The following PIGL variants were observed in gnomAD, a reference collection of about 807,000 sequenced individuals.
PIGL encodes phosphatidylinositol glycan anchor biosynthesis class L, also known as N-acetylglucosaminyl-phosphatidylinositol de-N-acetylase.
In PIGL, 22 loss-of-function variants were observed where a neutral mutation model predicts 31.1. The ratio of observed to expected loss-of-function variants is 0.71; its 90% CI spans 0.51 to 1.01. The LOEUF is 1.01. PIGL is among the 50% of genes least tolerant of loss of function. The probability of loss-of-function intolerance (pLI) is 0.00; values close to 1 mark genes in which losing one functional copy is unlikely to be tolerated. For missense variants in PIGL, 302 were observed against 315.9 expected, an observed-to-expected ratio of 0.96 and a Z score of 0.33; for synonymous variants, 131 against 117.4, an observed-to-expected ratio of 1.12 and a Z score of -0.75.
At chr17:16,300,507 C>A (rs2142836518) in intron 3 of PIGL, among the ~76,000 whole-genome samples, 1 of 152,140 alleles carries the variant, frequency 6.6e-6, no homozygotes, top group Admixed American at 6.6e-5. Flanking sequence ...ATGGTGAAAC[C>A]CCATCTCTAT....
intron 2 of PIGL, among the ~76,000 whole-genome samples, chr17:16,243,346 G>C (rs1189875570): frequency 6.6e-6 from 1 of 152,164 alleles, no homozygotes; most frequent in African/African-American, 2.4e-5. Context: ...CACCGTTTCT[G>C]GCCTGCTGAT....
intron 2 of PIGL, among the ~76,000 whole-genome samples, chr17:16,245,739 C>CAT (rs903765577): frequency 6.6e-6 from 1 of 150,638 alleles, no homozygotes. Context: ...TACACACACA[C>CAT]ATATATATAC....
At chr17:16,287,160 A>T (rs540311940) in intron 2 of PIGL, among the ~76,000 whole-genome samples, 1 of 152,032 alleles carries the variant, frequency 6.6e-6, no homozygotes, top group Non-Finnish European at 1.5e-5. Flanking sequence ...GAGAAGCCGC[A>T]GGCTGGTTCC....
In PIGL at chr17:16,316,686, T is replaced by C. The variant is rs145303331; in HGVS notation, c.500T>C (p.Leu167Pro). The change falls in exon 5 of 7, where the codon CTG becomes CCG. Residue 167 changes from leucine to proline, a missense_variant. Leu to Pro is a moderately conservative substitution (Grantham distance 98, BLOSUM62 -3). Transcript: ENST00000225609. ...TTGTCCTATCCCTCCTCCAGGGCCC[T>C]GCACTCAGAAGGGAAGTTACCTAAA... ...HIALYAAVRA[L>P]HSEGKLPKGC... is the part of the protein sequence containing the mutation. 7.4e-4 allele frequency: 1,186 copies of C among 1,605,302 alleles called. No individual in the cohort carries two copies. The highest frequency in any genetic ancestry group is 9.1e-4 in the Non-Finnish European group (1,062 of 1,172,770).
chr17:16,245,608 T>C (rs920824733), intron 2 of PIGL, among the ~76,000 whole-genome samples: 1 of 150,156 alleles, frequency 6.7e-6, no homozygotes, highest in African/African-American at 2.5e-5. Flanking sequence ...TTTCACCATG[T>C]TGGGCAGGAT....
chr17:16,228,077 G>A (rs186451224), intron 1 of PIGL, among the ~76,000 whole-genome samples: 1 of 141,390 alleles, frequency 7.1e-6, no homozygotes, highest in Admixed American at 7.2e-5. Flanking sequence ...TTGAGATGGA[G>A]TTTCACTCTT....
intron 2 of PIGL, among the ~76,000 whole-genome samples, chr17:16,297,959 G>A (rs2092989591): frequency 6.6e-6 from 1 of 152,180 alleles, no homozygotes; most frequent in Admixed American, 6.5e-5. Context: ...TCTGCCTCCT[G>A]TCAGATCAGC....
chr17:16,226,125 A>G (rs542455504), intron 1 of PIGL, among the ~76,000 whole-genome samples: 191 of 152,230 alleles, frequency 1.3e-3, no homozygotes, highest in African/African-American at 4.1e-3. Context: ...AGCTATGATG[A>G]TCATGCCTTA....
At chr17:16,256,038 AGT>A (rs1291634041) in intron 2 of PIGL, among the ~76,000 whole-genome samples, 2 of 152,206 alleles carry the variant, frequency 1.3e-5, no homozygotes, top group African/African-American at 4.8e-5. Context: ...CAAAAAAAAA[AGT>A]GAGACCAGGA....
intron 2 of PIGL, among the ~76,000 whole-genome samples, chr17:16,242,397 TGTTAAA>T (rs1248989255): frequency 1.2e-4 from 18 of 152,232 alleles, no homozygotes; most frequent in East Asian, 5.8e-4. Context: ...AAACAATTCT[TGTTAAA>T]GTTATTTTGA....
chr17:16,245,814 A>ATT (rs1198422495), intron 2 of PIGL, among the ~76,000 whole-genome samples: 3 of 103,086 alleles, frequency 2.9e-5, no homozygotes, highest in African/African-American at 1.5e-4. Flanking sequence ...ACATATATAT[A>ATT]TATATATTTT....
At chr17:16,292,795 T>C (rs2092966517) in intron 2 of PIGL, among the ~76,000 whole-genome samples, 1 of 152,188 alleles carries the variant, frequency 6.6e-6, no homozygotes, top group Non-Finnish European at 1.5e-5. Flanking sequence ...GCAGCTTGGT[T>C]TCCTCCTTTT....
At chr17:16,299,813 A>G (rs2092996696) in intron 2 of PIGL, 75 bp from the exon 3 acceptor site, 8 of 1,013,876 alleles carry the variant, frequency 7.9e-6, no homozygotes, top group Admixed American at 6.8e-5. Context: ...AAAACTGGGC[A>G]TGCACCTACT....
chr17:16,224,369 C>T (rs1467157966), intron 1 of PIGL, among the ~76,000 whole-genome samples: 2 of 151,928 alleles, frequency 1.3e-5, no homozygotes, highest in Non-Finnish European at 2.9e-5. Flanking sequence ...CACTGTTGCA[C>T]AATCTTGGCT....
At chr17:16,252,657 C>T (rs1262066937) in intron 2 of PIGL, among the ~76,000 whole-genome samples, 1 of 151,640 alleles carries the variant, frequency 6.6e-6, no homozygotes, top group African/African-American at 2.4e-5. Context: ...AACTTTCCTC[C>T]CTCTCTACTC....
intron 1 of PIGL, 170 bp downstream of exon 1, chr17:16,217,631 CTGGT>C: frequency 3.7e-6 from 2 of 542,306 alleles, no homozygotes; most frequent in Non-Finnish European, 6.4e-6. Context: ...GCCGGCTTAC[CTGGT>C]GGGTTGGGGG....
chr17:16,321,498 C>T (rs2093105726), intron 6 of PIGL, among the ~76,000 whole-genome samples: 1 of 152,146 alleles, frequency 6.6e-6, no homozygotes, highest in Admixed American at 6.6e-5. Context: ...CCTTGGCCTT[C>T]CATAGTGCTG....
At chr17:16,265,034 G>A (rs2092836506) in intron 2 of PIGL, among the ~76,000 whole-genome samples, 1 of 152,156 alleles carries the variant, frequency 6.6e-6, no homozygotes, top group Non-Finnish European at 1.5e-5. Context: ...AATGCTTATA[G>A]TCCTTCTAAG....
chr17:16,313,301 C>T (rs1253426127), intron 3 of PIGL, among the ~76,000 whole-genome samples: 1 of 152,228 alleles, frequency 6.6e-6, no homozygotes, highest in African/African-American at 2.4e-5. Flanking sequence ...ACTATCATGG[C>T]TGAATTCCAC....
Sources: allele counts gnomAD v4.1 joint callset (sites outside exome capture counted in the v4.1 genomes callset), GRCh38; gene constraint gnomAD v4.1.1; transcripts MANE v1.5; gene names NCBI Gene and HGNC (gene_info 2026-07-23, HGNC 2026-07-21).